BRSK2: variants seen among roughly 807,000 people sequenced by gnomAD.
BRSK2 encodes the protein BR serine/threonine kinase 2.
BRSK2 carries 19 observed loss-of-function variants against 83.3 expected under a neutral mutation model. That is an observed-to-expected ratio of 0.23 (90% CI 0.16 to 0.33). BRSK2 has a LOEUF of 0.33. Among genes scored for constraint, BRSK2 ranks in the 10% least tolerant of loss-of-function variants. BRSK2 has a pLI of 1.00. For missense variants in BRSK2, 798 were observed against 1,042.3 expected, an observed-to-expected ratio of 0.77 and a Z score of 3.23; for synonymous variants, 519 against 435.4, an observed-to-expected ratio of 1.19 and a Z score of -2.39.
At position 1,390,788 on chromosome 11, in the gene BRSK2, C is replaced by G. The variant is rs1845676727; in HGVS notation, c.91+413C>G. Among the ~76,000 whole-genome samples, 1 of 152,122 alleles carries G rather than the reference C, an allele frequency of 6.6e-6. No individual in the cohort carries two copies. The highest frequency in any genetic ancestry group is 3.4e-3 in the Middle Eastern group (1 of 292). ...CGGCCGCGCTAATAGGCGTGCTGCCCGAGCAGCTGCGCCCCCGGCGGGACT... is the reference window on the plus strand; with the variant it reads ...CGGCCGCGCTAATAGGCGTGCTGCCGGAGCAGCTGCGCCCCCGGCGGGACT... On this transcript the variant is annotated intron_variant, in intron 1 of 19. Transcript: ENST00000528841. The surrounding 1 kb of genome is among the most constrained non-coding windows in gnomAD (Gnocchi z 6.8).
rs780268963 is a variant in BRSK2 at position 1,454,659 on chromosome 11, G to A, written c.1668+51G>A. On this transcript the variant is annotated intron_variant, in intron 16 of 19. Transcript: ENST00000528841. This position sits in a 1 kb window ranked among gnomAD's most constrained non-coding sequence, Gnocchi z 5.2. Reference sequence around the variant, plus strand: ...GCGGGCAGCCCTCCCAACCCCACACGGCCCAGCCCCGAGAATCCAGCCTCC... The same window carrying A: ...GCGGGCAGCCCTCCCAACCCCACACAGCCCAGCCCCGAGAATCCAGCCTCC... 33 of 1,602,396 alleles carry A rather than the reference G, an allele frequency of 2.1e-5. No homozygotes were observed. Among genetic ancestry groups the A allele is most frequent in the South Asian group, 8.8e-5 (8 of 90,562 alleles).
chr11:1,411,675 AG>A (rs1847522038), intron 1 of BRSK2: 1 of 1,532,682 alleles, frequency 6.5e-7, no homozygotes, highest in East Asian at 2.5e-5. Flanking sequence ...CCCTCGAGGG[AG>A]GAGTGTGTTC....
intron 19 of BRSK2, among the ~76,000 whole-genome samples, chr11:1,460,248 G>C (rs1435896205): frequency 1.3e-5 from 2 of 152,068 alleles, no homozygotes; most frequent in Non-Finnish European, 2.9e-5. Flanking sequence ...ACGGCGCACA[G>C]CTTCCCCACC....
At chr11:1,429,560 A>G (rs1357650163) in intron 1 of BRSK2, among the ~76,000 whole-genome samples, 3 of 108,142 alleles carry the variant, frequency 2.8e-5, no homozygotes, top group African/African-American at 1.1e-4. Flanking sequence ...CGGTCTGGTC[A>G]GGTTTTGCCA....
At chr11:1,413,011 A>C (rs964641545) in intron 1 of BRSK2, among the ~76,000 whole-genome samples, 1 of 152,030 alleles carries the variant, frequency 6.6e-6, no homozygotes, top group African/African-American at 2.4e-5. Context: ...TGCCCCCGGC[A>C]CCCCAGGCCC....
intron 1 of BRSK2, among the ~76,000 whole-genome samples, chr11:1,402,994 G>A (rs948653009): frequency 3.3e-5 from 5 of 152,142 alleles, no homozygotes; most frequent in South Asian, 2.1e-4. Context: ...AGCCAGAGCC[G>A]CCGAGGGCGT....
chr11:1,411,730 G>A (rs1847527330), intron 1 of BRSK2: 7 of 1,487,564 alleles, frequency 4.7e-6, no homozygotes, highest in African/African-American at 2.8e-5. Flanking sequence ...GGGGGACCTC[G>A]CCAGCACTGG....
At chr11:1,447,357 G>A (rs529742794) in intron 12 of BRSK2, among the ~76,000 whole-genome samples, 4 of 152,314 alleles carry the variant, frequency 2.6e-5, no homozygotes, top group East Asian at 1.9e-4. Context: ...TCCGGTCAGC[G>A]GCGTGGGAGG....
chr11:1,433,468 A>C (rs1295570590), intron 1 of BRSK2, among the ~76,000 whole-genome samples: 1 of 152,242 alleles, frequency 6.6e-6, no homozygotes, highest in African/African-American at 2.4e-5. Context: ...GCATCCTCCC[A>C]GGAGTTTGTC....
intron 6 of BRSK2, 66 bp from the exon 7 acceptor site, chr11:1,443,269 C>T: frequency 1.3e-6 from 2 of 1,537,808 alleles, no homozygotes; most frequent in Non-Finnish European, 8.8e-7. Context: ...TCCCTCTGAG[C>T]CCAGGCCCTC....
intron 1 of BRSK2, among the ~76,000 whole-genome samples, chr11:1,425,057 CG>C (rs1159397992): frequency 5.3e-5 from 8 of 152,242 alleles, no homozygotes; most frequent in Non-Finnish European, 1.2e-4. Flanking sequence ...TCCTGCCAGG[CG>C]TGGGGACTCG....
chr11:1,398,700 C>A (rs908798225), intron 1 of BRSK2, among the ~76,000 whole-genome samples: 8 of 152,312 alleles, frequency 5.3e-5, no homozygotes, highest in Admixed American at 3.9e-4. Context: ...GGCCCCAGTC[C>A]GCATAGGCCT....
In BRSK2 at chr11:1,454,676, C is replaced by T; in HGVS notation, c.1668+68C>T. 5 of 1,582,504 alleles carry T rather than the reference C, an allele frequency of 3.2e-6. No homozygotes were observed. The highest frequency in any genetic ancestry group is 2.1e-4 in the Middle Eastern group (1 of 4,834). ...CCCCACACGGCCCAGCCCCGAGAAT[C>T]CAGCCTCCTCACGTAGACAGGACAT... On this transcript the variant is annotated intron_variant, in intron 16 of 19. Coordinates refer to ENST00000528841, the MANE Select transcript of BRSK2 (RefSeq NM_001256627.2). This position sits in a 1 kb window ranked among gnomAD's most constrained non-coding sequence, Gnocchi z 5.2.
chr11:1,459,169 C>T (rs750463036), intron 18 of BRSK2, 23 bp from the exon 19 acceptor site: 11 of 1,613,070 alleles, frequency 6.8e-6, no homozygotes, highest in Admixed American at 6.7e-5. Context: ...CTCCCTCCCT[C>T]CTCTCTCCAT....
At chr11:1,425,017 C>T (rs868613503) in intron 1 of BRSK2, among the ~76,000 whole-genome samples, 4 of 152,230 alleles carry the variant, frequency 2.6e-5, no homozygotes, top group Admixed American at 1.3e-4. Flanking sequence ...CCTGCTGTGA[C>T]GCCACGTGTT....
chr11:1,448,968 TTC>T (rs999271325), intron 12 of BRSK2, among the ~76,000 whole-genome samples: 8 of 152,074 alleles, frequency 5.3e-5, no homozygotes, highest in Non-Finnish European at 1.0e-4. Flanking sequence ...GCTTTTACTC[TTC>T]TCTGTCCTCT....
chr11:1,447,686 C>G (rs771276677), intron 12 of BRSK2: 20 of 929,134 alleles, frequency 2.2e-5, no homozygotes, highest in Non-Finnish European at 3.2e-5. Context: ...CTTTGTGCAG[C>G]GGCCTCAGAG....
chr11:1,441,307 TC>T (rs1851245930), intron 4 of BRSK2, among the ~76,000 whole-genome samples: 1 of 23,934 alleles, frequency 4.2e-5, no homozygotes, highest in African/African-American at 1.8e-4. Flanking sequence ...AAGTGCACCA[TC>T]CCCCCCATTA....
intron 15 of BRSK2, among the ~76,000 whole-genome samples, chr11:1,451,767 C>G (rs1431898982): frequency 6.6e-6 from 1 of 152,166 alleles, no homozygotes; most frequent in Non-Finnish European, 1.5e-5. Context: ...AGAAAGCAGC[C>G]CGTGTTAAGA....
Sources: allele counts gnomAD v4.1 joint callset (sites outside exome capture counted in the v4.1 genomes callset), GRCh38; gene constraint gnomAD v4.1.1; non-coding constraint Gnocchi (gnomAD v3.1); transcripts MANE v1.5; gene names NCBI Gene and HGNC (gene_info 2026-07-23, HGNC 2026-07-21).